The following POU2F1 variants were observed in gnomAD, a reference collection of about 807,000 sequenced individuals.
The protein encoded by POU2F1 is POU domain, class 2, transcription factor 1.
POU2F1 carries 16 observed loss-of-function variants against 84.9 expected under a neutral mutation model. The ratio of observed to expected loss-of-function variants is 0.19; its 90% CI spans 0.13 to 0.29. The LOEUF (loss-of-function observed/expected upper bound fraction) is 0.29. Among genes scored for constraint, POU2F1 ranks in the 10% least tolerant of loss-of-function variants. The pLI is 1.00. For missense variants in POU2F1, 738 were observed against 942.6 expected (o/e 0.78, Z 2.84); for synonymous variants, 368 against 368.3 (o/e 1.00, Z 0.01).
At chr1:167,323,613 G>A (rs1656480477) in intron 1 of POU2F1, among the ~76,000 whole-genome samples, 1 of 152,144 alleles carries the variant, frequency 6.6e-6, no homozygotes, top group Non-Finnish European at 1.5e-5. Context: ...CAGTTGAGTT[G>A]TAAAGTTATT....
At chr1:167,291,044 G>GA (rs56798282) in intron 1 of POU2F1, among the ~76,000 whole-genome samples, 3,539 of 117,320 alleles carry the variant, frequency 0.03, 113 homozygotes, top group African/African-American at 0.079. Context: ...GACCCTGTCA[G>GA]AAAAAAAAAA....
intron 2 of POU2F1, among the ~76,000 whole-genome samples, chr1:167,339,233 C>A (rs1657675599): frequency 6.6e-6 from 1 of 152,136 alleles, no homozygotes; most frequent in African/African-American, 2.4e-5. Context: ...ACTCTCCTGT[C>A]CCCATCTTTT....
At chr1:167,371,890 T>C (rs1199140238) in intron 4 of POU2F1, 27 bp from the exon 5 acceptor site, 1 of 1,613,858 alleles carries the variant, frequency 6.2e-7, no homozygotes, top group Admixed American at 1.7e-5. Context: ...ATTTGCAATC[T>C]TTTATTTCCT....
intron 1 of POU2F1, among the ~76,000 whole-genome samples, chr1:167,294,172 C>CAAAAAAAAA (rs60846607): frequency 1.3e-4 from 4 of 30,952 alleles, no homozygotes; most frequent in African/African-American, 2.8e-4. Context: ...TACTAAAATA[C>CAAAAAAAAA]AAAAAAAAAA....
rs1197814755 is a variant in POU2F1, at chr1:167,358,716, C to CTTTTTTTTTTTTT, written c.128-6742_128-6730dup. ...TTCTTAATCTTTTTATTATCTGCAG[C>CTTTTTTTTTTTTT]TTTTTTTTTTTTTTTTTTTTTGAGA... On this transcript the variant is annotated intron_variant, in intron 2 of 15. Transcript: ENST00000367866. 6.7e-3 allele frequency among the ~76,000 whole-genome samples: 257 copies of CTTTTTTTTTTTTT among 38,316 alleles called. 49 individuals carry two copies. Among genetic ancestry groups the CTTTTTTTTTTTTT allele is most frequent in the African/African-American group, 0.017 (233 of 13,978 alleles). 25.1% of individuals were successfully genotyped at this position (38,316 alleles called of 152,430 possible).
rs1325243128 is a variant in POU2F1, at chr1:167,427,216, A to T, written c.*11406A>T. 2 of 152,088 alleles carry T rather than the reference A, an allele frequency of 1.3e-5. No individual in the cohort carries two copies. The highest frequency in any genetic ancestry group is 6.5e-5 in the Admixed American group (1 of 15,278). The allele number at this position is 152,088 out of a possible 1,614,324, so 9.4% of individuals were successfully genotyped here. On this transcript the variant is annotated 3_prime_UTR_variant, in exon 16 of 16. Transcript: ENST00000367866. ...GTGTAGGTGACAGTGAATCAGAATG[A>T]AGTGGTAGATTTTGTGTAGATGCAT...
intron 13 of POU2F1, among the ~76,000 whole-genome samples, chr1:167,406,025 C>T (rs185047565): frequency 5.3e-5 from 8 of 151,984 alleles, no homozygotes; most frequent in Non-Finnish European, 1.2e-4. Flanking sequence ...CCTATCAGGC[C>T]GGTATTACCC....
At chr1:167,312,798 T>C (rs1268779231) in intron 1 of POU2F1, among the ~76,000 whole-genome samples, 1 of 152,206 alleles carries the variant, frequency 6.6e-6, no homozygotes, top group Non-Finnish European at 1.5e-5. Context: ...TATACTATTT[T>C]TAATCTTTTA....
At chr1:167,291,044 G>GAAAAAAAAAAAAA (rs56798282) in intron 1 of POU2F1, among the ~76,000 whole-genome samples, 1 of 117,382 alleles carries the variant, frequency 8.5e-6, no homozygotes, top group African/African-American at 3.0e-5. Flanking sequence ...GACCCTGTCA[G>GAAAAAAAAAAAAA]AAAAAAAAAA....
Position 167,403,339 on chromosome 1 carries a change from A to G in POU2F1, c.1555+1783A>G, listed in dbSNP as rs185672412. ...AGCCTTGTGATACTCTAAGCAGAGG[A>G]CTCAGGCTCTGCCTGGACACCTGAC... On this transcript the variant is annotated intron_variant, in intron 13 of 15. Coordinates refer to ENST00000367866, the MANE Select transcript of POU2F1 (RefSeq NM_002697.4). 2.9e-4 allele frequency among the ~76,000 whole-genome samples: 44 copies of G among 152,336 alleles called. 1 individual carries two copies. The East Asian group carries it at 7.3e-3, about 25-fold the overall frequency.
intron 2 of POU2F1, among the ~76,000 whole-genome samples, chr1:167,346,534 G>C (rs1029636589): frequency 1.3e-5 from 2 of 152,064 alleles, no homozygotes; most frequent in African/African-American, 4.8e-5. Context: ...GATGGTTTGG[G>C]GGATAAAACT....
chr1:167,372,427 A>G (rs1233626233), intron 5 of POU2F1, among the ~76,000 whole-genome samples: 2 of 152,234 alleles, frequency 1.3e-5, no homozygotes, highest in Admixed American at 6.5e-5. Context: ...AGTACCTGCA[A>G]AAGAAAAACA....
At chr1:167,229,518 T>C (rs1361860157) in intron 1 of POU2F1, among the ~76,000 whole-genome samples, 1 of 152,196 alleles carries the variant, frequency 6.6e-6, no homozygotes, top group Non-Finnish European at 1.5e-5. Flanking sequence ...AATCTGAACG[T>C]TGTAAATTCT....
At chr1:167,280,203 A>T (rs987670730) in intron 1 of POU2F1, among the ~76,000 whole-genome samples, 2 of 151,980 alleles carry the variant, frequency 1.3e-5, no homozygotes, top group Non-Finnish European at 2.9e-5. Flanking sequence ...AAAAAAAAAA[A>T]AACTTATTGT....
intron 2 of POU2F1, among the ~76,000 whole-genome samples, chr1:167,358,374 C>T (rs995882607): frequency 6.6e-6 from 1 of 151,754 alleles, no homozygotes; most frequent in African/African-American, 2.4e-5. Context: ...CACACTTTAT[C>T]AGGTTATGGT....
Position 167,305,607 on chromosome 1 carries a change from T to C in POU2F1, c.62-26863T>C, listed in dbSNP as rs13376159. On this transcript the variant is annotated intron_variant, in intron 1 of 15. Coordinates refer to ENST00000367866, the MANE Select transcript of POU2F1 (RefSeq NM_002697.4). ...GAATAATTTTTAGTTACATGAATTT[T>C]AGCCTATGCTATTCTAAATGAGAAG... 7.0e-3 allele frequency among the ~76,000 whole-genome samples: 1,061 copies of C among 152,360 alleles called. 8 individuals carry two copies. Among genetic ancestry groups the C allele is most frequent in the African/African-American group, 0.024 (1,007 of 41,580 alleles).
chr1:167,268,844 A>G (rs370957318), intron 1 of POU2F1, among the ~76,000 whole-genome samples: 1 of 152,210 alleles, frequency 6.6e-6, no homozygotes, highest in African/African-American at 2.4e-5. Context: ...AAGTGGAAAG[A>G]TCCAGAGATT....
intron 1 of POU2F1, among the ~76,000 whole-genome samples, chr1:167,299,684 A>T (rs1425328018): frequency 2.9e-5 from 4 of 137,046 alleles, no homozygotes; most frequent in Non-Finnish European, 6.0e-5. Flanking sequence ...GACTCAATTC[A>T]GGAGACCAGA....
rs1418199295 is a variant in POU2F1, at chr1:167,427,328, C to G, written c.*11518C>G. 6.6e-6 allele frequency: 1 copy of G among 152,162 alleles called. No individual in the cohort carries two copies. The highest frequency in any genetic ancestry group is 6.5e-5 in the Admixed American group (1 of 15,276). The allele number at this position is 152,162 out of a possible 1,614,324, so 9.4% of individuals were successfully genotyped here. ...TTGTAAAACATCATTAAACCATCTTCCAAGTGTTTTCACATTGTTGGAGTT... is the reference window on the plus strand; with the variant it reads ...TTGTAAAACATCATTAAACCATCTTGCAAGTGTTTTCACATTGTTGGAGTT... On this transcript the variant is annotated 3_prime_UTR_variant, in exon 16 of 16. Transcript: ENST00000367866.
Sources: gnomAD v4.1 joint callset for allele counts (sites outside exome capture counted in the v4.1 genomes callset) on GRCh38, gnomAD v4.1.1 for gene constraint, MANE v1.5 for transcripts, NCBI Gene and HGNC (gene_info 2026-07-23, HGNC 2026-07-21) for gene names.